Variants in ZMYM2 observed in about 807,000 individuals in gnomAD.
The protein encoded by ZMYM2 is zinc finger MYM-type protein 2.
ZMYM2 carries 56 observed loss-of-function variants against 162.8 expected under a neutral mutation model. The ratio of observed to expected loss-of-function variants is 0.34; its 90% CI spans 0.28 to 0.43. ZMYM2 has a LOEUF of 0.43. Ranked by LOEUF, ZMYM2 falls within the 20% of genes least tolerant of loss-of-function variation. ZMYM2 has a pLI of 1.00. For synonymous variants in ZMYM2, 510 were observed against 541.6 expected, an observed-to-expected ratio of 0.94 and a Z score of 0.81; for missense variants, 1,275 against 1,621.8, an observed-to-expected ratio of 0.79 and a Z score of 3.67.
the ZMYM2 span, among the ~76,000 whole-genome samples, chr13:19,906,709 A>G: frequency 6.6e-5 from 10 of 151,694 alleles, no homozygotes; most frequent in Non-Finnish European, 2.9e-5. Flanking sequence ...CCAAGGCTGA[A>G]CCATCATACC....
At chr13:20,054,673 A>C (rs1955643977) in intron 14 of ZMYM2, among the ~76,000 whole-genome samples, 1 of 152,204 alleles carries the variant, frequency 6.6e-6, no homozygotes, top group Admixed American at 6.5e-5. Flanking sequence ...AGTTTGGTTC[A>C]AGTGTAGATT....
At chr13:19,955,107 C>T (rs753522232), upstream of ZMYM2, among the ~76,000 whole-genome samples, 9 of 151,652 alleles carry the variant, frequency 5.9e-5, no homozygotes, top group Non-Finnish European at 7.4e-5. Context: ...CCACTGCGCC[C>T]GGCCCCAAGA....
chr13:19,958,485 G>A (rs1207764854), upstream of ZMYM2, among the ~76,000 whole-genome samples: 1 of 151,996 alleles, frequency 6.6e-6, no homozygotes, highest in Non-Finnish European at 1.5e-5. Flanking sequence ...GACCGGCGGG[G>A]AGGGGACCCG....
At chr13:19,881,045 C>T in the ZMYM2 span, among the ~76,000 whole-genome samples, 4 of 151,694 alleles carry the variant, frequency 2.6e-5, 1 homozygote, top group South Asian at 6.2e-4. Context: ...CGTGCCACCA[C>T]GCCCAGCTAA....
At chr13:19,950,762 A>T in the ZMYM2 span, among the ~76,000 whole-genome samples, 1 of 152,252 alleles carries the variant, frequency 6.6e-6, no homozygotes, top group Non-Finnish European at 1.5e-5. Context: ...ACAGAAATTC[A>T]CTAAATAACG....
At chr13:19,970,392 TGA>T (rs1956194022) in intron 2 of ZMYM2, among the ~76,000 whole-genome samples, 1 of 152,036 alleles carries the variant, frequency 6.6e-6, no homozygotes, top group Non-Finnish European at 1.5e-5. Context: ...ATTACGCAGA[TGA>T]ATATAGAAGT....
chr13:19,924,280 TCCGG>T, the ZMYM2 span, among the ~76,000 whole-genome samples: 3 of 152,074 alleles, frequency 2.0e-5, no homozygotes, highest in Admixed American at 6.6e-5. Flanking sequence ...AGTTGTCTTT[TCCGG>T]CCAGGCACGG....
chr13:19,865,387 A>AT, the ZMYM2 span, among the ~76,000 whole-genome samples: 2 of 152,364 alleles, frequency 1.3e-5, no homozygotes, highest in South Asian at 4.1e-4. Flanking sequence ...ATGTTCACGG[A>AT]TTGATGAGAG....
At chr13:19,946,289 T>G in the ZMYM2 span, among the ~76,000 whole-genome samples, 1 of 152,208 alleles carries the variant, frequency 6.6e-6, no homozygotes, top group South Asian at 2.1e-4. Flanking sequence ...TAACATCCTG[T>G]CTCCTTAGTG....
At chr13:20,062,469 G>C (rs1956304082) in intron 17 of ZMYM2, among the ~76,000 whole-genome samples, 1 of 152,092 alleles carries the variant, frequency 6.6e-6, no homozygotes, top group Admixed American at 6.6e-5. Flanking sequence ...TGAGAAACCT[G>C]GGTCAAAATT....
In ZMYM2 at chr13:20,044,012, A is replaced by G. The variant is rs577713572; in HGVS notation, c.2292+7103A>G. Among the ~76,000 whole-genome samples the G allele has an allele frequency of 2.0e-5, 3 of 152,230 alleles. No homozygotes were observed. The South Asian group carries it at 6.2e-4, about 32-fold the overall frequency. ...AGGTACTTTCACACTGGGACCCTGC[A>G]AGAGGCCAACAGATTAAGGGATGCT... On this transcript the variant is annotated intron_variant, in intron 12 of 24. Transcript: ENST00000610343.
At chr13:19,916,486 G>A in the ZMYM2 span, among the ~76,000 whole-genome samples, 1 of 152,270 alleles carries the variant, frequency 6.6e-6, no homozygotes, top group Middle Eastern at 3.4e-3. Context: ...TGGTAGACTG[G>A]ATTAAGAAAA....
intron 4 of ZMYM2, 30 bp from the exon 5 acceptor site, chr13:20,005,044 G>A (rs765250758): frequency 3.2e-6 from 5 of 1,551,514 alleles, no homozygotes; most frequent in Non-Finnish European, 4.4e-6. Context: ...TTTTAAAATG[G>A]AATTTTAATA....
intron 21 of ZMYM2, among the ~76,000 whole-genome samples, chr13:20,079,212 G>C (rs757872740): frequency 6.7e-6 from 1 of 150,062 alleles, no homozygotes; most frequent in South Asian, 2.1e-4. Flanking sequence ...TCAGCTACTC[G>C]GGAGGCTGAG....
intron 12 of ZMYM2, among the ~76,000 whole-genome samples, chr13:20,037,622 C>A (rs1484176685): frequency 2.6e-5 from 4 of 151,970 alleles, no homozygotes; most frequent in African/African-American, 7.3e-5. Context: ...TGGCTTTTTG[C>A]CTTTTTAATT....
chr13:20,044,736 T>C (rs1239164012), intron 12 of ZMYM2, among the ~76,000 whole-genome samples: 4 of 152,234 alleles, frequency 2.6e-5, no homozygotes, highest in African/African-American at 7.2e-5. Flanking sequence ...TGAAACTTCA[T>C]TGTGGGTACA....
In ZMYM2 at chr13:20,035,396, G is replaced by C. The variant is rs566523963; in HGVS notation, c.2119+992G>C. Among the ~76,000 whole-genome samples the C allele has an allele frequency of 2.0e-5, 3 of 152,252 alleles. No individual in the cohort carries two copies. The East Asian group carries it at 5.8e-4, about 29-fold the overall frequency. ...AATTTAATTTTGTACATTTCACCTG[G>C]AATGGAAAGTAACCATGTTTCGCTG... On this transcript the variant is annotated intron_variant, in intron 11 of 24. Transcript: ENST00000610343.
At chr13:20,034,077 A>G (rs1449213883) in intron 10 of ZMYM2, among the ~76,000 whole-genome samples, 177 bp from the exon 11 acceptor site, 5 of 152,180 alleles carry the variant, frequency 3.3e-5, no homozygotes, top group African/African-American at 9.7e-5. Context: ...TTGTGGAGCT[A>G]TGTTTAAATT....
the ZMYM2 span, among the ~76,000 whole-genome samples, chr13:19,913,224 T>C: frequency 1.3e-5 from 2 of 152,186 alleles, no homozygotes; most frequent in African/African-American, 4.8e-5. Context: ...ATAACTACTC[T>C]CTTTCTGAGA....
Sources: gnomAD v4.1 joint callset for allele counts (sites outside exome capture counted in the v4.1 genomes callset) on GRCh38, gnomAD v4.1.1 for gene constraint, MANE v1.5 for transcripts, NCBI Gene and HGNC (gene_info 2026-07-23, HGNC 2026-07-21) for gene names.